Variants in RELN observed in about 807,000 individuals in gnomAD.
RELN encodes reelin.
Under a neutral mutation model 427.6 loss-of-function variants are expected in RELN, and 108 were observed. The observed-to-expected ratio is 0.25, with a 90% CI of 0.22 to 0.30. RELN has a LOEUF of 0.30. RELN is among the 10% of genes least tolerant of loss of function. RELN has a pLI of 1.00. For missense variants in RELN, 3,715 were observed against 4,302.8 expected (o/e 0.86, Z 3.82); for synonymous variants, 1,524 against 1,513.4 (o/e 1.01, Z -0.16).
chr7:103,825,571 T>C (rs73181905), intron 3 of RELN, among the ~76,000 whole-genome samples: 18,229 of 152,170 alleles, frequency 0.12, 1,276 homozygotes, highest in East Asian at 0.32. Context: ...CTTCCTTCTA[T>C]GTGTCCTTTG....
rs1226239448 is a variant in RELN at position 103,680,553 on chromosome 7, GATCCTTT to G, written c.1289+1556_1289+1562del. 8.6e-5 allele frequency among the ~76,000 whole-genome samples: 13 copies of G among 151,900 alleles called. No individual in the cohort carries two copies. In the South Asian group the frequency reaches 2.5e-3, roughly 29 times the overall value. The stretch of plus-strand genomic sequence containing the variant: ...AGTCAGAACGAACTGGTGTGCTGGT[GATCCTTT>G]ATCTCCAGAAGATAGGTAGAAAGAC... On this transcript the variant is annotated intron_variant, in intron 11 of 64. Coordinates refer to ENST00000428762, the MANE Select transcript of RELN (RefSeq NM_005045.4).
chr7:103,786,517 CAAAAAAA>C (rs66567252), intron 3 of RELN, among the ~76,000 whole-genome samples: 1 of 98,590 alleles, frequency 1.0e-5, no homozygotes, highest in African/African-American at 3.9e-5. Context: ...AAAATGGAAC[CAAAAAAA>C]AAAAAAAAAA....
At chr7:103,914,512 G>T (rs993931871) in intron 2 of RELN, among the ~76,000 whole-genome samples, 2 of 151,892 alleles carry the variant, frequency 1.3e-5, no homozygotes, top group Non-Finnish European at 2.9e-5. Context: ...CTAAGGAAAT[G>T]GTCTGCTTCA....
intron 10 of RELN, 28 bp downstream of exon 10, chr7:103,697,825 C>G (rs765260234): frequency 6.2e-7 from 1 of 1,613,148 alleles, no homozygotes; most frequent in South Asian, 1.1e-5. Context: ...AGGATTAAAA[C>G]AACCCAAAAA....
chr7:103,849,347 T>G (rs951840810), intron 2 of RELN, among the ~76,000 whole-genome samples: 1 of 152,146 alleles, frequency 6.6e-6, no homozygotes, highest in Non-Finnish European at 1.5e-5. Context: ...TGCCTATCCT[T>G]CTCACCACTG....
At chr7:103,980,246 G>A (rs1485415984) in intron 1 of RELN, among the ~76,000 whole-genome samples, 1 of 150,206 alleles carries the variant, frequency 6.7e-6, no homozygotes, top group African/African-American at 2.4e-5. Context: ...CACTTTTTTT[G>A]TATTTTTATG....
At chr7:103,522,264 A>G (rs1294688897) in intron 47 of RELN, 65 bp from the exon 48 acceptor site, 1 of 1,517,848 alleles carries the variant, frequency 6.6e-7, no homozygotes, top group Non-Finnish European at 9.1e-7. Flanking sequence ...CTTGTTCTCA[A>G]ATTAGTGAAG....
Position 103,620,987 on chromosome 7 carries a change from A to G in RELN, c.2702+8953T>C, listed in dbSNP as rs1052585207. Among the ~76,000 whole-genome samples the G allele has an allele frequency of 6.6e-6, 1 of 152,198 alleles. No individual in the cohort carries two copies. Among genetic ancestry groups the G allele is most frequent in the Non-Finnish European group, 1.5e-5 (1 of 68,028 alleles). On this transcript the variant is annotated intron_variant, in intron 20 of 64. Transcript: ENST00000428762. The surrounding 1 kb of genome is among the most constrained non-coding windows in gnomAD (Gnocchi z 4.1). ...AAATACACGAGGAATCTTTGAAATTATCTTTCTTTTTCCTTCCAACTCTGT... is the reference window on the plus strand; with the variant it reads ...AAATACACGAGGAATCTTTGAAATTGTCTTTCTTTTTCCTTCCAACTCTGT...
chr7:103,594,582 G>T (rs1396702921), intron 25 of RELN, 90 bp from the exon 26 acceptor site: 5 of 1,373,480 alleles, frequency 3.6e-6, no homozygotes, highest in Middle Eastern at 2.1e-4. Context: ...AACAACAAGA[G>T]AAAAGTTTTG....
intron 3 of RELN, among the ~76,000 whole-genome samples, chr7:103,818,626 G>C (rs1293858746): frequency 3.3e-5 from 5 of 152,156 alleles, no homozygotes; most frequent in Non-Finnish European, 7.4e-5. Flanking sequence ...GTAATGAAAA[G>C]AGCATTAGTT....
At chr7:103,898,394 A>G (rs1384520961) in intron 2 of RELN, among the ~76,000 whole-genome samples, 1 of 152,046 alleles carries the variant, frequency 6.6e-6, no homozygotes, top group African/African-American at 2.4e-5. Context: ...TTTTCCTATC[A>G]TAGTGTTTTG....
rs1021076769 is a variant in RELN at position 103,654,170 on chromosome 7, C to T, written c.1477G>A (p.Asp493Asn). Residue 493 changes from aspartate to asparagine, a missense_variant, in exon 13 of 65, where the codon GAC becomes AAC. By Grantham distance (23) the Asp-to-Asn change is conservative. Coordinates refer to ENST00000428762, the MANE Select transcript of RELN (RefSeq NM_005045.4). ...ICDPGNSHENDIILYAKIEGR... is the reference protein window; with the variant it reads ...ICDPGNSHENNIILYAKIEGR... ...TCAATTTTTGCATACAGGATTATGT[C>T]ATTTTCATGAGAATTTCCAGGGTCA... The T allele has an allele frequency of 6.2e-7, 1 of 1,611,476 alleles. No individual in the cohort carries two copies. Among genetic ancestry groups the T allele is most frequent in the Non-Finnish European group, 8.5e-7 (1 of 1,178,252 alleles).
chr7:103,613,574 G>A (rs959409559), intron 20 of RELN, among the ~76,000 whole-genome samples: 1 of 152,170 alleles, frequency 6.6e-6, no homozygotes, highest in African/African-American at 2.4e-5. Flanking sequence ...GTAGGCAAAA[G>A]AAATCCCAAA....
intron 51 of RELN, among the ~76,000 whole-genome samples, chr7:103,508,074 G>A (rs1189284065): frequency 2.0e-5 from 3 of 152,150 alleles, no homozygotes; most frequent in Non-Finnish European, 4.4e-5. Context: ...CCCAGGACCA[G>A]GTGGATTCAC....
At chr7:103,986,635 A>AG (rs1382007374) in intron 1 of RELN, among the ~76,000 whole-genome samples, 2 of 146,434 alleles carry the variant, frequency 1.4e-5, no homozygotes, top group African/African-American at 5.4e-5. Flanking sequence ...TAGGTAAAAA[A>AG]AAAAAAAAAA....
chr7:103,808,997 A>G (rs1037917920), intron 3 of RELN, among the ~76,000 whole-genome samples: 1 of 152,174 alleles, frequency 6.6e-6, no homozygotes, highest in Non-Finnish European at 1.5e-5. Context: ...TCATCAAGAA[A>G]TTCCAGGTTC....
At chr7:103,860,180 A>G (rs537175743) in intron 2 of RELN, among the ~76,000 whole-genome samples, 1 of 152,350 alleles carries the variant, frequency 6.6e-6, no homozygotes, top group East Asian at 1.9e-4. Context: ...ATTAATGATG[A>G]CAAAACAAAA....
At position 103,513,646 on chromosome 7, in the gene RELN, G is replaced by A. The variant is rs187713281; in HGVS notation, c.8119+1539C>T. On this transcript the variant is annotated intron_variant, in intron 50 of 64. Transcript: ENST00000428762. The stretch of plus-strand genomic sequence containing the variant: ...TATTTGCTGTTACGTTATGCCACAT[G>A]ATATACTAATAAATGAATTAATGAA... The A allele has an allele frequency of 2.2e-3, 340 of 152,068 alleles. 2 individuals carry two copies. Among genetic ancestry groups the A allele is most frequent in the African/African-American group, 7.9e-3 (327 of 41,474 alleles). 9.4% of individuals were successfully genotyped at this position (152,068 alleles called of 1,614,324 possible). A position where few individuals can be genotyped will look rare whatever the true frequency, so the allele number is the denominator to read the frequency against.
chr7:103,806,708 G>A (rs574955369), intron 3 of RELN, among the ~76,000 whole-genome samples: 2 of 152,210 alleles, frequency 1.3e-5, no homozygotes, highest in South Asian at 4.2e-4. Context: ...TAACCATCAA[G>A]AGAATCCGAA....
Sources: gnomAD v4.1 joint callset for allele counts (sites outside exome capture counted in the v4.1 genomes callset) on GRCh38, gnomAD v4.1.1 for gene constraint, Gnocchi (gnomAD v3.1) non-coding constraint, MANE v1.5 for transcripts, NCBI Gene and HGNC (gene_info 2026-07-23, HGNC 2026-07-21) for gene names.